FIBCD1: variants seen among roughly 807,000 people sequenced by gnomAD.
FIBCD1 encodes the protein fibrinogen C domain containing 1.
FIBCD1 carries 47 observed loss-of-function variants against 45.1 expected under a neutral mutation model. The ratio of observed to expected loss-of-function variants is 1.04; its 90% CI spans 0.82 to 1.33. The LOEUF (loss-of-function observed/expected upper bound fraction) is 1.33, where lower values mean the gene tolerates loss of function less well. FIBCD1 is among the 40% of genes most tolerant of loss of function. The probability of loss-of-function intolerance (pLI) is 0.00; values close to 1 mark genes in which losing one functional copy is unlikely to be tolerated. For missense variants in FIBCD1, 653 were observed against 682.2 expected (o/e 0.96, Z 0.48); for synonymous variants, 313 against 308.1 (o/e 1.02, Z -0.17).
chr9:130,933,727 T>C (rs866172033), intron 1 of FIBCD1: 1 of 51,504 alleles, frequency 1.9e-5, no homozygotes, highest in South Asian at 9.3e-4. Context: ...GGCGGGCGGG[T>C]GGGGGGGGGG....
At chr9:130,932,038 G>C (rs929258878) in intron 1 of FIBCD1, among the ~76,000 whole-genome samples, 1 of 152,242 alleles carries the variant, frequency 6.6e-6, no homozygotes, top group Non-Finnish European at 1.5e-5. Flanking sequence ...TTATTTCTGT[G>C]TGTCGTCAAT....
chr9:130,938,354 C>T, intron 1 of FIBCD1, 182 bp downstream of exon 1: 1 of 489,828 alleles, frequency 2.0e-6, no homozygotes, highest in Non-Finnish European at 3.4e-6. Context: ...CCCACCGAAC[C>T]TCGAGTTCAA....
chr9:130,916,521 C>T (rs949435564), intron 4 of FIBCD1, among the ~76,000 whole-genome samples: 11 of 152,236 alleles, frequency 7.2e-5, no homozygotes, highest in Non-Finnish European at 4.4e-5. Flanking sequence ...CGGCCCAGAT[C>T]GTCAGGTGGG....
chr9:130,904,139 C>T lies in FIBCD1; in HGVS notation c.1311G>A (p.Trp437Ter), dbSNP rs1353614365. ...AGTACTGCCAGCCGGTCCAGGAGGA[C>T]CACTCCACGCCGTCGGCATAGGAGG... Reference protein sequence around the residue: ...AHASYADGVEWSSWTGWQYSL... With the variant: ...AHASYADGVE Residue 437 changes from tryptophan (W) to a stop codon, truncating the protein, a stop_gained, in exon 7 of 7, where the codon TGG (tryptophan) becomes TGA (stop). Coordinates refer to ENST00000372338, the MANE Select transcript of FIBCD1 (RefSeq NM_032843.5). LOFTEE classifies it high-confidence loss of function. The T allele has an allele frequency of 6.2e-7, 1 of 1,613,450 alleles. No homozygotes were observed. The highest frequency in any genetic ancestry group is 1.7e-5 in the Admixed American group (1 of 60,032).
intron 1 of FIBCD1, 119 bp downstream of exon 1, chr9:130,938,417 G>A (rs1012708340): frequency 1.2e-6 from 1 of 838,120 alleles, no homozygotes; most frequent in Non-Finnish European, 1.7e-6. Flanking sequence ...CCGGGCCTCC[G>A]GAGCCTCGAA....
At chr9:130,938,457 A>T (rs1357955269) in intron 1 of FIBCD1, 79 bp downstream of exon 1, 1 of 1,263,460 alleles carries the variant, frequency 7.9e-7, no homozygotes, top group East Asian at 3.2e-5. Context: ...AGCCCCCGCA[A>T]TGGGTGCTCG....
At chr9:130,929,449 C>T in intron 2 of FIBCD1, 118 bp downstream of exon 2, 1 of 1,354,890 alleles carries the variant, frequency 7.4e-7, no homozygotes. Flanking sequence ...GCAGTAGCCC[C>T]TTGTCTGGGG....
At chr9:130,913,682 G>A (rs1352821397) in intron 4 of FIBCD1, among the ~76,000 whole-genome samples, 3 of 152,176 alleles carry the variant, frequency 2.0e-5, no homozygotes, top group Non-Finnish European at 2.9e-5. Context: ...GTGGAGAGCC[G>A]TATTGATGGC....
rs1290921367 is a variant in FIBCD1 at position 130,923,935 on chromosome 9, C to G, written c.713-55G>C. 5 of 1,607,844 alleles carry G rather than the reference C, an allele frequency of 3.1e-6. No homozygotes were observed. The East Asian group carries it at 6.7e-5, about 22-fold the overall frequency. On this transcript the variant is annotated intron_variant, in intron 3 of 6. Coordinates refer to ENST00000372338, the MANE Select transcript of FIBCD1 (RefSeq NM_032843.5). Reference sequence around the variant, plus strand: ...GCGGCCCCAGCACGTTCCTGCCCAGCCCCCTGGCCAAACTGTCTGTCCATC... The same window carrying G: ...GCGGCCCCAGCACGTTCCTGCCCAGGCCCCTGGCCAAACTGTCTGTCCATC...
At chr9:130,919,476 C>G (rs73656073) in intron 4 of FIBCD1, among the ~76,000 whole-genome samples, 1 of 152,216 alleles carries the variant, frequency 6.6e-6, no homozygotes, top group Admixed American at 6.5e-5. Context: ...GGTCCTGCTG[C>G]TCAGCCTCCC....
chr9:130,924,971 A>G (rs1832333766), intron 2 of FIBCD1, among the ~76,000 whole-genome samples: 1 of 152,066 alleles, frequency 6.6e-6, no homozygotes, highest in Non-Finnish European at 1.5e-5. Flanking sequence ...GCTACCAGAC[A>G]TCCCCACCGC....
At chr9:130,917,931 G>C (rs1832195383) in intron 4 of FIBCD1, among the ~76,000 whole-genome samples, 1 of 152,126 alleles carries the variant, frequency 6.6e-6, no homozygotes, top group African/African-American at 2.4e-5. Flanking sequence ...GTTCTACCCA[G>C]ACTCCAGCCA....
rs768783176 is a variant in FIBCD1, at chr9:130,923,766, C to T, written c.827G>A (p.Arg276His). The T allele has an allele frequency of 1.1e-5, 18 of 1,612,490 alleles. No individual in the cohort carries two copies. Among genetic ancestry groups the T allele is most frequent in the Non-Finnish European group, 1.4e-5 (16 of 1,179,926 alleles). Residue 276 changes from arginine (R) to histidine (H), a missense_variant, in exon 4 of 7, where the codon CGC becomes CAC. Coordinates refer to ENST00000372338, the MANE Select transcript of FIBCD1 (RefSeq NM_032843.5). Reference sequence around the variant, plus strand: ...CACCGTCCAGCCGCCGCCGTCCGTGCGCATGTCACAGTACACCTGGAAGCC... The same window carrying T: ...CACCGTCCAGCCGCCGCCGTCCGTGTGCATGTCACAGTACACCTGGAAGCC... ...PAGFQVYCDM[R>H]TDGGGWTVFQ... is the part of the protein sequence containing the mutation.
chr9:130,920,030 C>T (rs1054998457), intron 4 of FIBCD1, among the ~76,000 whole-genome samples: 4 of 152,112 alleles, frequency 2.6e-5, no homozygotes, highest in Middle Eastern at 3.2e-3. Context: ...GCCCTCCTTC[C>T]GCCCACCTGC....
chr9:130,928,821 A>G (rs1832398687), intron 2 of FIBCD1, among the ~76,000 whole-genome samples: 1 of 152,058 alleles, frequency 6.6e-6, no homozygotes, highest in South Asian at 2.1e-4. Context: ...AGGAAAAATC[A>G]CCACCCATTT....
rs1588100597 is a variant in FIBCD1, at chr9:130,903,569, T to G, written c.*495A>C. 5 of 185,272 alleles carry G rather than the reference T, an allele frequency of 2.7e-5. No homozygotes were observed. The highest frequency in any genetic ancestry group is 1.4e-4 in the East Asian group (1 of 7,180). 11.5% of individuals were successfully genotyped at this position (185,272 alleles called of 1,614,324 possible). On this transcript the variant is annotated 3_prime_UTR_variant, in exon 7 of 7. Transcript: ENST00000372338. ...TTCTCTGGGCACCAGGGAAACGGGG[T>G]GGGGGTTGGCATTGGGAGGGCTGGA...
chr9:130,921,395 TG>T (rs1564337929), intron 4 of FIBCD1, among the ~76,000 whole-genome samples: 1 of 152,228 alleles, frequency 6.6e-6, no homozygotes, highest in East Asian at 1.9e-4. Flanking sequence ...GAGAGGTTCC[TG>T]GGAAAAGATT....
chr9:130,904,521 C>G (rs187204501), intron 6 of FIBCD1, among the ~76,000 whole-genome samples, 198 bp from the exon 7 acceptor site: 1 of 151,316 alleles, frequency 6.6e-6, no homozygotes, highest in South Asian at 2.1e-4. Flanking sequence ...CCATGCAGCT[C>G]ACACGCACGC....
At chr9:130,934,615 T>G (rs781699940) in intron 1 of FIBCD1, among the ~76,000 whole-genome samples, 1 of 152,180 alleles carries the variant, frequency 6.6e-6, no homozygotes, top group Admixed American at 6.5e-5. Context: ...ATAAGGGTCT[T>G]GCCCACCCTC....
Sources: gnomAD v4.1 joint callset for allele counts (sites outside exome capture counted in the v4.1 genomes callset) on GRCh38, gnomAD v4.1.1 for gene constraint, MANE v1.5 for transcripts, NCBI Gene and HGNC (gene_info 2026-07-23, HGNC 2026-07-21) for gene names.